The following TMEFF1 variants were observed in gnomAD, a reference collection of about 807,000 sequenced individuals.
TMEFF1 encodes the protein tomoregulin-1.
In TMEFF1, 20 loss-of-function variants were observed where a neutral mutation model predicts 47.5. That is an observed-to-expected ratio of 0.42 (90% CI 0.30 to 0.61). The LOEUF is 0.61. Among genes scored for constraint, TMEFF1 ranks in the 20% least tolerant of loss-of-function variants. The pLI is 0.19. For synonymous variants in TMEFF1, 162 were observed against 166.3 expected, an observed-to-expected ratio of 0.97 and a Z score of 0.20; for missense variants, 411 against 471.1, an observed-to-expected ratio of 0.87 and a Z score of 1.18.
chr9:100,574,859 T>C (rs1839317027), intron 9 of TMEFF1, among the ~76,000 whole-genome samples: 1 of 152,206 alleles, frequency 6.6e-6, no homozygotes, highest in Admixed American at 6.5e-5. Flanking sequence ...GCTCAACTAC[T>C]CAATTAAAAT....
chr9:100,525,343 C>T (rs1358345218), intron 5 of TMEFF1, among the ~76,000 whole-genome samples: 2 of 151,998 alleles, frequency 1.3e-5, no homozygotes, highest in Non-Finnish European at 2.9e-5. Flanking sequence ...CCACTTCTGC[C>T]CAGATGACCA....
In TMEFF1 at chr9:100,484,204, A is replaced by G. The variant is rs953049571; in HGVS notation, c.196+10464A>G. Among the ~76,000 whole-genome samples the G allele has an allele frequency of 3.9e-5, 6 of 152,310 alleles. No homozygotes were observed. In the South Asian group the frequency reaches 1.2e-3, roughly 32 times the overall value. On this transcript the variant is annotated intron_variant, in intron 1 of 9. Transcript: ENST00000374879. ...CAACTCATTTACATTAAATTAAGTA[A>G]TTGATATCTGTGCTACCCTCCATCA...
At chr9:100,544,271 C>A (rs1838692588) in intron 5 of TMEFF1, among the ~76,000 whole-genome samples, 1 of 152,062 alleles carries the variant, frequency 6.6e-6, no homozygotes, top group Non-Finnish European at 1.5e-5. Flanking sequence ...AGACACTGGG[C>A]AATTTGCAAA....
intron 5 of TMEFF1, among the ~76,000 whole-genome samples, chr9:100,526,757 G>A (rs2118424644): frequency 6.6e-6 from 1 of 151,764 alleles, no homozygotes; most frequent in Admixed American, 6.6e-5. Flanking sequence ...ATGTTATGTG[G>A]CCTTTTAAAA....
chr9:100,515,562 C>T (rs906383501), intron 4 of TMEFF1, among the ~76,000 whole-genome samples: 1 of 151,882 alleles, frequency 6.6e-6, no homozygotes, highest in Non-Finnish European at 1.5e-5. Context: ...CTGAGGTGGG[C>T]GGATCACAAG....
intron 2 of TMEFF1, among the ~76,000 whole-genome samples, chr9:100,502,000 A>G (rs1341789996): frequency 1.3e-5 from 2 of 152,212 alleles, no homozygotes; most frequent in African/African-American, 4.8e-5. Context: ...CTTGAACAAT[A>G]TAAGAAGATA....
In TMEFF1 at chr9:100,572,681, G is replaced by A; in HGVS notation, c.1058+5G>A. On this transcript the variant is annotated splice_donor_5th_base_variant and intron_variant, in intron 9 of 9. Transcript: ENST00000374879. Reference sequence around the variant, plus strand: ...AATTGTAATGTGCATAACAAGGTAGGTAATGATGTAAGAAATATCAACTTT... The same window carrying A: ...AATTGTAATGTGCATAACAAGGTAGATAATGATGTAAGAAATATCAACTTT... 6.3e-7 allele frequency: 1 copy of A among 1,594,366 alleles called. No homozygotes were observed. Among genetic ancestry groups the A allele is most frequent in the Non-Finnish European group, 8.5e-7 (1 of 1,171,380 alleles).
At chr9:100,489,402 A>G (rs1327090588) in intron 1 of TMEFF1, among the ~76,000 whole-genome samples, 1 of 152,018 alleles carries the variant, frequency 6.6e-6, no homozygotes, top group African/African-American at 2.4e-5. Flanking sequence ...TGTTGCCCAG[A>G]CTGATCTCAA....
At chr9:100,555,014 T>C (rs1344190013) in intron 7 of TMEFF1, among the ~76,000 whole-genome samples, 2 of 152,198 alleles carry the variant, frequency 1.3e-5, no homozygotes, top group Non-Finnish European at 2.9e-5. Flanking sequence ...CATCTGGTAC[T>C]GGGTTTTTTC....
Position 100,473,808 on chromosome 9 carries a change from C to A in TMEFF1, c.196+68C>A. 7.2e-7 allele frequency: 1 copy of A among 1,389,532 alleles called. No individual in the cohort carries two copies. 86.1% of individuals were successfully genotyped at this position (1,389,532 alleles called of 1,614,324 possible). ...GTTGCCGCCTCCCTCGTGGTCCCTG[C>A]GGTCGGCCGGGCTGGGAAAGACCCC... is the stretch of plus-strand genomic sequence containing the variant. On this transcript the variant is annotated intron_variant, in intron 1 of 9. Transcript: ENST00000374879. This position sits in a 1 kb window ranked among gnomAD's most constrained non-coding sequence, Gnocchi z 5.4.
intron 1 of TMEFF1, among the ~76,000 whole-genome samples, chr9:100,480,661 C>G (rs1365224312): frequency 6.6e-6 from 1 of 151,838 alleles, no homozygotes; most frequent in Non-Finnish European, 1.5e-5. Flanking sequence ...TGTGATTTAT[C>G]TAAGGAAGTG....
At chr9:100,557,722 G>A (rs1838940679) in intron 7 of TMEFF1, among the ~76,000 whole-genome samples, 1 of 151,886 alleles carries the variant, frequency 6.6e-6, no homozygotes, top group South Asian at 2.1e-4. Flanking sequence ...CCGTTTAATT[G>A]TAAACTGCCA....
intron 1 of TMEFF1, among the ~76,000 whole-genome samples, chr9:100,481,051 G>C (rs1198666699): frequency 1.3e-5 from 2 of 152,114 alleles, no homozygotes; most frequent in Non-Finnish European, 2.9e-5. Context: ...ATGTTCCTTT[G>C]GCTTGGAATC....
At chr9:100,570,148 A>G (rs1219343175) in intron 8 of TMEFF1, among the ~76,000 whole-genome samples, 2 of 152,120 alleles carry the variant, frequency 1.3e-5, no homozygotes, top group East Asian at 3.8e-4. Context: ...TCCATTTTGT[A>G]TATATACCTC....
rs373168958 is a variant in TMEFF1 at position 100,473,616 on chromosome 9, G to A, written c.72G>A (p.Thr24=). ...AAPPLAFCCY[T]SVLLLFAFSL... is the part of the protein sequence containing the mutation. ...CTCCGCTCGCCTTCTGCTGCTACAC[G>A]TCGGTGCTTCTGCTCTTCGCCTTCT... The change falls in exon 1 of 10, where the codon ACG becomes ACA. Residue 24 remains threonine (T), a synonymous_variant. Coordinates refer to ENST00000374879, the MANE Select transcript of TMEFF1 (RefSeq NM_003692.5). The surrounding 1 kb of genome is among the most constrained non-coding windows in gnomAD (Gnocchi z 5.4). 13 of 1,559,788 alleles carry A rather than the reference G, an allele frequency of 8.3e-6. No individual in the cohort carries two copies. Among genetic ancestry groups the A allele is most frequent in the African/African-American group, 5.5e-5 (4 of 73,008 alleles).
chr9:100,476,699 G>GTTT lies in TMEFF1; in HGVS notation c.196+2972_196+2974dup, dbSNP rs60623249. Among the ~76,000 whole-genome samples, 101 of 115,838 alleles carry GTTT rather than the reference G, an allele frequency of 8.7e-4. 2 individuals carry two copies. Among genetic ancestry groups the GTTT allele is most frequent in the Non-Finnish European group, 1.4e-3 (82 of 56,568 alleles). The allele number at this position is 115,838 out of a possible 152,430, so 76.0% of individuals were successfully genotyped here. A position where few individuals can be genotyped will look rare whatever the true frequency, so the allele number is the denominator to read the frequency against. ...TGAGCCAATGTGCCTGGCCTATTTC[G>GTTT]TTTTTTTTTTTTTTTGAGACGGAGT... On this transcript the variant is annotated intron_variant, in intron 1 of 9. Coordinates refer to ENST00000374879, the MANE Select transcript of TMEFF1 (RefSeq NM_003692.5).
intron 1 of TMEFF1, among the ~76,000 whole-genome samples, chr9:100,496,805 TTA>T (rs995656205): frequency 2.6e-5 from 4 of 152,316 alleles, no homozygotes; most frequent in Admixed American, 6.5e-5. Flanking sequence ...TTCTTGTTTT[TTA>T]TGTCTGGTTG....
chr9:100,529,534 A>G (rs1275694858), intron 5 of TMEFF1, among the ~76,000 whole-genome samples: 9 of 151,094 alleles, frequency 6.0e-5, no homozygotes, highest in African/African-American at 9.7e-5. Context: ...TTCAACAAGA[A>G]GAGCTAACTA....
chr9:100,518,438 A>C, intron 5 of TMEFF1: 1 of 985,424 alleles, frequency 1.0e-6, no homozygotes, highest in Non-Finnish European at 1.2e-6. Context: ...TCTAAGCATA[A>C]GGAAGTGGAC....
Sources: allele counts gnomAD v4.1 joint callset (sites outside exome capture counted in the v4.1 genomes callset), GRCh38; gene constraint gnomAD v4.1.1; non-coding constraint Gnocchi (gnomAD v3.1); transcripts MANE v1.5; gene names NCBI Gene and HGNC (gene_info 2026-07-23, HGNC 2026-07-21).